Variants in CREBBP observed in about 807,000 individuals in gnomAD.
CREBBP encodes the protein CREB-binding protein.
Under a neutral mutation model 265.0 loss-of-function variants are expected in CREBBP, and 19 were observed. The observed-to-expected ratio is 0.07, with a 90% confidence interval of 0.05 to 0.11. The LOEUF is 0.11. CREBBP is among the 10% of genes least tolerant of loss of function. The probability of loss-of-function intolerance (pLI) is 1.00; values close to 1 mark genes in which losing one functional copy is unlikely to be tolerated. For missense variants in CREBBP, 2,525 were observed against 3,219.0 expected, an observed-to-expected ratio of 0.78 and a Z score of 5.22; for synonymous variants, 1,457 against 1,223.7, an observed-to-expected ratio of 1.19 and a Z score of -3.98.
chr16:3,744,942 A>C lies in CREBBP; in HGVS notation c.3934T>G (p.Leu1312Val), dbSNP rs982920612. The C allele has an allele frequency of 6.8e-6, 11 of 1,613,946 alleles. No individual in the cohort carries two copies. Among genetic ancestry groups the C allele is most frequent in the Admixed American group, 5.0e-5 (3 of 60,012 alleles). Reference sequence around the variant, plus strand: ...TTTCGAGGTCTGCCAGTTTTCTTCAAGCAGTTGTCGCACACAAAACTGCAA... The same window carrying C: ...TTTCGAGGTCTGCCAGTTTTCTTCACGCAGTTGTCGCACACAAAACTGCAA... ...WPSGFVCDNC[L>V]KKTGRPRKEN... The change falls in exon 23 of 31, where the codon TTG (leucine) becomes GTG (valine). Residue 1312 changes from leucine (L) to valine (V), a missense_variant. Coordinates refer to ENST00000262367, the MANE Select transcript of CREBBP (RefSeq NM_004380.3).
At chr16:3,838,942 T>C (rs1340288590) in intron 2 of CREBBP, among the ~76,000 whole-genome samples, 4 of 152,322 alleles carry the variant, frequency 2.6e-5, no homozygotes, top group Middle Eastern at 3.4e-3. Flanking sequence ...AAATATTTTA[T>C]GTGGCACAGC....
rs2141183848 is a variant in CREBBP, at chr16:3,767,901, C to T, written c.3069G>A (p.Glu1023=). Residue 1023 remains glutamate (E), a synonymous_variant, in exon 16 of 31, where the codon GAG becomes GAA. Transcript: ENST00000262367. ...SKGEPRSEMM[E]EDLQGASQVK... Reference sequence around the variant, plus strand: ...CTTGGGAAGCTCCTTGCAAATCCTCCTCCATCATCTTGAGAAAAACATTAC... The same window carrying T: ...CTTGGGAAGCTCCTTGCAAATCCTCTTCCATCATCTTGAGAAAAACATTAC... The T allele has an allele frequency of 1.9e-6, 3 of 1,614,058 alleles. No homozygotes were observed. The highest frequency in any genetic ancestry group is 2.5e-6 in the Non-Finnish European group (3 of 1,179,998).
chr16:3,818,208 A>G (rs1195521254), intron 2 of CREBBP, among the ~76,000 whole-genome samples: 1 of 151,986 alleles, frequency 6.6e-6, no homozygotes, highest in Non-Finnish European at 1.5e-5. Flanking sequence ...ACGGCCAGAA[A>G]TGGCACTGCG....
At chr16:3,814,338 T>C (rs1013690774) in intron 2 of CREBBP, among the ~76,000 whole-genome samples, 3 of 151,250 alleles carry the variant, frequency 2.0e-5, no homozygotes, top group African/African-American at 7.3e-5. Flanking sequence ...CCCTGCAACC[T>C]CCGCCTCCCA....
intron 28 of CREBBP, among the ~76,000 whole-genome samples, chr16:3,732,716 T>C (rs1389236840): frequency 2.6e-5 from 4 of 151,988 alleles, no homozygotes; most frequent in Non-Finnish European, 5.9e-5. Context: ...ATCATTTTTT[T>C]TGAGACAGAG....
At chr16:3,877,894 C>T (rs989497293) in intron 1 of CREBBP, among the ~76,000 whole-genome samples, 2 of 152,162 alleles carry the variant, frequency 1.3e-5, no homozygotes, top group African/African-American at 4.8e-5. Context: ...AGCCCCTGTG[C>T]CTTACAAGGA....
rs994506417 is a variant in CREBBP at position 3,725,796 on chromosome 16, C to T, written c.*1922G>A. 4.3e-6 allele frequency: 1 copy of T among 233,210 alleles called. No individual in the cohort carries two copies. The highest frequency in any genetic ancestry group is 8.5e-6 in the Non-Finnish European group (1 of 118,018). 14.4% of individuals were successfully genotyped at this position (233,210 alleles called of 1,614,324 possible). A position where few individuals can be genotyped will look rare whatever the true frequency, so the allele number is the denominator to read the frequency against. ...AAACCTATCTGTGAATGTAAGGGCC[C>T]AAACGGAAGCTATTTGGGGCGTGAT... On this transcript the variant is annotated 3_prime_UTR_variant, in exon 31 of 31. Transcript: ENST00000262367.
chr16:3,780,617 GCTCC>G (rs985321484), intron 8 of CREBBP, 111 bp downstream of exon 8: 2 of 1,104,500 alleles, frequency 1.8e-6, no homozygotes, highest in African/African-American at 1.5e-5. Context: ...AGTGAGAGTG[GCTCC>G]CTAAATAAGC....
At chr16:3,794,224 C>T (rs968573795) in intron 3 of CREBBP, among the ~76,000 whole-genome samples, 10 of 148,940 alleles carry the variant, frequency 6.7e-5, no homozygotes, top group African/African-American at 2.0e-4. Context: ...CCCACCTACT[C>T]GGGAGGCTGA....
At position 3,728,882 on chromosome 16, in the gene CREBBP, G is replaced by A. The variant is rs368704484; in HGVS notation, c.6165C>T (p.Ser2055=). The change falls in exon 31 of 31, where the codon AGC becomes AGT. Residue 2055 remains serine (S), a synonymous_variant. Transcript: ENST00000262367. This position sits in a 1 kb window ranked among gnomAD's most constrained non-coding sequence, Gnocchi z 8.7. The part of the protein sequence containing the change: ...QAAVAGPRMP[S]VQPPRSISPS... Reference sequence around the variant, plus strand: ...GTGAGATGCTCCTGGGTGGCTGCACGCTGGGCATCCGGGGCCCAGCCACGG... The same window carrying A: ...GTGAGATGCTCCTGGGTGGCTGCACACTGGGCATCCGGGGCCCAGCCACGG... 357 of 1,611,224 alleles carry A rather than the reference G, an allele frequency of 2.2e-4. No individual in the cohort carries two copies. Among genetic ancestry groups the A allele is most frequent in the Admixed American group, 3.2e-4 (19 of 59,974 alleles).
At chr16:3,788,593 T>TTGCTATA (rs2141270589) in intron 5 of CREBBP, among the ~76,000 whole-genome samples, 1 of 152,296 alleles carries the variant, frequency 6.6e-6, no homozygotes, top group South Asian at 2.1e-4. Flanking sequence ...AAATTGAATA[T>TTGCTATA]TGCTATAAGG....
chr16:3,809,155 G>C (rs910908616), intron 3 of CREBBP, among the ~76,000 whole-genome samples: 1 of 151,896 alleles, frequency 6.6e-6, no homozygotes. Context: ...TTGAGAGCAA[G>C]TTTTGTTACT....
chr16:3,745,638 C>T lies in CREBBP; in HGVS notation c.3837-284G>A, dbSNP rs555550022. 2.6e-4 allele frequency: 122 copies of T among 475,806 alleles called. 2 individuals carry two copies. Among genetic ancestry groups the T allele is most frequent in the South Asian group, 2.5e-3 (118 of 46,774 alleles). 29.5% of individuals were successfully genotyped at this position (475,806 alleles called of 1,614,324 possible). A position where few individuals can be genotyped will look rare whatever the true frequency, so the allele number is the denominator to read the frequency against. ...AAACTTTACTTTTTAAAAATTGCTG[C>T]GACAAATACATATTTCACAGGCCGG... On this transcript the variant is annotated intron_variant, in intron 21 of 30. Transcript: ENST00000262367.
At chr16:3,840,508 G>C (rs1206452696) in intron 2 of CREBBP, 2 of 153,296 alleles carry the variant, frequency 1.3e-5, no homozygotes, top group African/African-American at 4.8e-5. Flanking sequence ...GAGAAGCTCA[G>C]TGTTGTGTTG....
At chr16:3,819,973 G>GT (rs34292421) in intron 2 of CREBBP, among the ~76,000 whole-genome samples, 7 of 152,274 alleles carry the variant, frequency 4.6e-5, no homozygotes, top group South Asian at 2.1e-4. Flanking sequence ...TCAAGCTGGA[G>GT]TTTTTTTAGC....
At chr16:3,812,470 C>T (rs545334979) in intron 2 of CREBBP, among the ~76,000 whole-genome samples, 9 of 152,052 alleles carry the variant, frequency 5.9e-5, no homozygotes, top group South Asian at 2.1e-4. Context: ...TGAGCCACTG[C>T]GCCCGGCCTA....
intron 11 of CREBBP, among the ~76,000 whole-genome samples, chr16:3,775,212 T>C (rs922250581): frequency 3.9e-5 from 6 of 152,180 alleles, no homozygotes; most frequent in Admixed American, 1.3e-4. Flanking sequence ...ATTGTTAGAA[T>C]CTGTGCTAAG....
chr16:3,846,741 T>A (rs2054675075), intron 2 of CREBBP, among the ~76,000 whole-genome samples: 1 of 152,178 alleles, frequency 6.6e-6, no homozygotes, highest in African/African-American at 2.4e-5. Context: ...ATGCTACTCT[T>A]TATGTCTGGG....
chr16:3,842,217 G>A (rs2054578142), intron 2 of CREBBP, among the ~76,000 whole-genome samples: 1 of 152,120 alleles, frequency 6.6e-6, no homozygotes, highest in South Asian at 2.1e-4. Flanking sequence ...GATTTCTAAG[G>A]TCACAAAAAC....
Sources: gnomAD v4.1 joint callset for allele counts (sites outside exome capture counted in the v4.1 genomes callset) on GRCh38, gnomAD v4.1.1 for gene constraint, Gnocchi (gnomAD v3.1) non-coding constraint, MANE v1.5 for transcripts, NCBI Gene and HGNC (gene_info 2026-07-23, HGNC 2026-07-21) for gene names.